The following GNA15 variants were observed in gnomAD, a reference collection of about 807,000 sequenced individuals.
GNA15 encodes G protein subunit alpha 15.
Under a neutral mutation model 40.1 loss-of-function variants are expected in GNA15, and 23 were observed. The observed-to-expected ratio is 0.57, with a 90% CI of 0.41 to 0.81. The LOEUF is 0.81. Among genes scored for constraint, GNA15 ranks in the 40% least tolerant of loss-of-function variants. The pLI is 0.00. For synonymous variants in GNA15, 226 were observed against 210.4 expected, an observed-to-expected ratio of 1.07 and a Z score of -0.64; for missense variants, 522 against 515.8, an observed-to-expected ratio of 1.01 and a Z score of -0.12.
chr19:3,150,287 TG>T lies in GNA15; in HGVS notation c.485+3del. The T allele has an allele frequency of 6.3e-7, 1 of 1,577,968 alleles. No homozygotes were observed. The highest frequency in any genetic ancestry group is 8.6e-7 in the Non-Finnish European group (1 of 1,162,028). ...CCACCTGCTCGATTCAGCCGTGTAG[TG>T]AGTCTGGGGTCTGCGGGGGATGGGC... On this transcript the variant is annotated splice_donor_region_variant and intron_variant, in intron 3 of 6. Coordinates refer to ENST00000262958, the MANE Select transcript of GNA15 (RefSeq NM_002068.4).
intron 1 of GNA15, among the ~76,000 whole-genome samples, chr19:3,148,192 G>GA (rs1236114624): frequency 6.6e-6 from 1 of 151,960 alleles, no homozygotes; most frequent in Non-Finnish European, 1.5e-5. Context: ...AGGTTCAAGC[G>GA]ATTCTCCTGC....
At chr19:3,139,397 G>A (rs1306007140) in intron 1 of GNA15, among the ~76,000 whole-genome samples, 1 of 151,252 alleles carries the variant, frequency 6.6e-6, no homozygotes, top group East Asian at 2.0e-4. Context: ...GACCAGCCTG[G>A]GCAACTTAGC....
intron 1 of GNA15, among the ~76,000 whole-genome samples, chr19:3,140,911 A>T (rs389238): frequency 0.89 from 136,083 of 152,278 alleles, 60,876 homozygotes; most frequent in African/African-American, 0.92. Context: ...GCAGGGGATG[A>T]CATCCATGTC....
At position 3,148,710 on chromosome 19, in the gene GNA15, T is replaced by C; in HGVS notation, c.265T>C (p.Ser89Pro). The C allele has an allele frequency of 1.2e-6, 2 of 1,603,122 alleles. No homozygotes were observed. The highest frequency in any genetic ancestry group is 8.5e-7 in the Non-Finnish European group (1 of 1,175,310). Residue 89 changes from serine (S) to proline (P), a missense_variant, in exon 2 of 7, where the codon TCC becomes CCC. Transcript: ENST00000262958. ...CCTGGTCTACCAGAACATCTTCGTGTCCATGCGGGCCATGATCGAGGCCAT... is the reference window on the plus strand; with the variant it reads ...CCTGGTCTACCAGAACATCTTCGTGCCCATGCGGGCCATGATCGAGGCCAT... ...RPLVYQNIFV[S>P]MRAMIEAMER...
At chr19:3,150,091 CAG>C in intron 2 of GNA15, 38 bp from the exon 3 acceptor site, 2 of 1,588,760 alleles carry the variant, frequency 1.3e-6, no homozygotes, top group South Asian at 2.2e-5. Context: ...CAGCCCCACT[CAG>C]AAAGGCTACC....
At chr19:3,152,251 G>A (rs1012210367) in intron 4 of GNA15, among the ~76,000 whole-genome samples, 2 of 152,116 alleles carry the variant, frequency 1.3e-5, no homozygotes, top group African/African-American at 4.8e-5. Context: ...ATGGACTAGA[G>A]TGTGAGGCTG....
In GNA15 at chr19:3,151,609, TC is replaced by T; in HGVS notation, c.486-96del. 1 of 1,386,668 alleles carries T rather than the reference TC, an allele frequency of 7.2e-7. No individual in the cohort carries two copies. The highest frequency in any genetic ancestry group is 1.6e-5 in the South Asian group (1 of 63,472). 85.9% of individuals were successfully genotyped at this position (1,386,668 alleles called of 1,614,324 possible). On this transcript the variant is annotated intron_variant, in intron 3 of 6. Transcript: ENST00000262958. This position sits in a 1 kb window ranked among gnomAD's most constrained non-coding sequence, Gnocchi z 5.0. ...GACCCCACCTCCACCCAGGGAGCTC[TC>T]CTCCCCCAGCAGGGTCCTTGCTGGG...
At position 3,136,148 on chromosome 19, in the gene GNA15, A is replaced by C; in HGVS notation, c.-303A>C. 1 of 244,394 alleles carries C rather than the reference A, an allele frequency of 4.1e-6. No homozygotes were observed. The allele number at this position is 244,394 out of a possible 1,614,324, so 15.1% of individuals were successfully genotyped here. On this transcript the variant is annotated 5_prime_UTR_variant, in exon 1 of 7. Transcript: ENST00000262958. The surrounding 1 kb of genome is among the most constrained non-coding windows in gnomAD (Gnocchi z 4.9). ...ACCTCACCCTCTCCTGGCACCCTTC[A>C]CCGTCAACCTGTCGGGCCGGGTCTG...
chr19:3,141,052 T>TA (rs3216348), intron 1 of GNA15, among the ~76,000 whole-genome samples: 5 of 152,078 alleles, frequency 3.3e-5, no homozygotes, highest in Admixed American at 3.3e-4. Context: ...GTTTTTTTTT[T>TA]ACCTGGAGGT....
At chr19:3,146,283 C>T (rs563533668) in intron 1 of GNA15, 3 of 152,344 alleles carry the variant, frequency 2.0e-5, no homozygotes, top group Admixed American at 2.0e-4. Context: ...GCCCCCACCT[C>T]CCACCTGGTG....
At chr19:3,140,047 C>CTATCTATCTATCTATCTATG (rs1914543226) in intron 1 of GNA15, among the ~76,000 whole-genome samples, 2 of 135,600 alleles carry the variant, frequency 1.5e-5, no homozygotes, top group Admixed American at 7.4e-5. Flanking sequence ...AAAAAAAAAT[C>CTATCTATCTATCTATCTATG]TATCTATCTA....
intron 2 of GNA15, chr19:3,149,356 CACAA>C (rs1049704258): frequency 2.6e-4 from 41 of 158,966 alleles, no homozygotes; most frequent in Admixed American, 1.5e-3. Flanking sequence ...CATGCACATA[CACAA>C]ACACACAAGG....
Position 3,145,359 on chromosome 19 carries a change from A to ATATTTTT in GNA15, c.146-3231_146-3230insATTTTTT. ...TAAATATATATATATATATATATAT[A>ATATTTTT]TTTTTTTTTTTTTGTAGAGATGGGG... On this transcript the variant is annotated intron_variant, in intron 1 of 6. Transcript: ENST00000262958. Among the ~76,000 whole-genome samples, 254 of 46,950 alleles carry ATATTTTT rather than the reference A, an allele frequency of 5.4e-3. 5 individuals carry two copies. Among genetic ancestry groups the ATATTTTT allele is most frequent in the Admixed American group, 8.3e-3 (31 of 3,748 alleles). 30.8% of individuals were successfully genotyped at this position (46,950 alleles called of 152,430 possible).
chr19:3,144,977 C>T (rs563324667), intron 1 of GNA15, among the ~76,000 whole-genome samples: 42 of 151,662 alleles, frequency 2.8e-4, no homozygotes, highest in Admixed American at 3.9e-4. Context: ...TACAGGTGCG[C>T]GCCACCATGC....
intron 1 of GNA15, among the ~76,000 whole-genome samples, chr19:3,144,774 C>T (rs138327555): frequency 0.011 from 1,688 of 151,172 alleles, 37 homozygotes; most frequent in African/African-American, 0.039. Flanking sequence ...GTGATCCGCC[C>T]GCCTTGGCCT....
At chr19:3,142,151 G>A (rs575342925) in intron 1 of GNA15, 2 of 152,378 alleles carry the variant, frequency 1.3e-5, no homozygotes, top group Admixed American at 6.5e-5. Flanking sequence ...ACTTCCTCCT[G>A]TCCTCCTCCG....
chr19:3,156,555 C>G (rs1261604899), intron 5 of GNA15, among the ~76,000 whole-genome samples: 1 of 152,200 alleles, frequency 6.6e-6, no homozygotes, highest in Non-Finnish European at 1.5e-5. Context: ...TGCAGTGGCG[C>G]GATCTCGGCT....
intron 2 of GNA15, chr19:3,149,798 A>G: frequency 8.8e-6 from 2 of 228,256 alleles, no homozygotes; most frequent in South Asian, 1.5e-4. Context: ...CATCTGTGGA[A>G]GGGGGGACTG....
intron 5 of GNA15, among the ~76,000 whole-genome samples, chr19:3,156,236 C>T (rs1915014679): frequency 2.0e-5 from 1 of 49,470 alleles, no homozygotes; most frequent in African/African-American, 9.3e-5. Flanking sequence ...ACAATGCATG[C>T]ACACAAACAC....
Sources: allele counts gnomAD v4.1 joint callset (sites outside exome capture counted in the v4.1 genomes callset), GRCh38; gene constraint gnomAD v4.1.1; non-coding constraint Gnocchi (gnomAD v3.1); transcripts MANE v1.5; gene names NCBI Gene and HGNC (gene_info 2026-07-23, HGNC 2026-07-21).